The following KCNJ6 variants were observed in gnomAD, a reference collection of about 807,000 sequenced individuals.
KCNJ6 encodes G protein-activated inward rectifier potassium channel 2.
A neutral mutation model predicts 34.2 loss-of-function variants in KCNJ6; 9 were observed. The ratio of observed to expected loss-of-function variants is 0.26; its 90% CI spans 0.16 to 0.46. The LOEUF (loss-of-function observed/expected upper bound fraction) is 0.46, where lower values mean the gene tolerates loss of function less well. KCNJ6 is among the 20% of genes least tolerant of loss of function. The probability of loss-of-function intolerance (pLI) is 1.00; values close to 1 mark genes in which losing one functional copy is unlikely to be tolerated. For missense variants in KCNJ6, 236 were observed against 531.3 expected (o/e 0.44, Z 5.46); for synonymous variants, 196 against 207.1 (o/e 0.95, Z 0.46).
intron 2 of KCNJ6, among the ~76,000 whole-genome samples, chr21:37,782,435 C>T (rs2055173907): frequency 6.6e-6 from 1 of 152,060 alleles, no homozygotes; most frequent in Admixed American, 6.5e-5. Context: ...AAATGCTTAC[C>T]ACCTGCAAAC....
At chr21:37,682,775 A>G (rs1218182546) in intron 3 of KCNJ6, among the ~76,000 whole-genome samples, 1 of 152,200 alleles carries the variant, frequency 6.6e-6, no homozygotes, top group Non-Finnish European at 1.5e-5. Context: ...AGCAGTGAGC[A>G]GAGTGGTCCT....
At chr21:37,851,776 C>A (rs1434208742) in intron 1 of KCNJ6, among the ~76,000 whole-genome samples, 2 of 150,852 alleles carry the variant, frequency 1.3e-5, no homozygotes, top group African/African-American at 4.9e-5. Flanking sequence ...CTAAGCACAA[C>A]AAAAAAATCC....
intron 2 of KCNJ6, among the ~76,000 whole-genome samples, chr21:37,794,008 A>C: frequency 6.6e-6 from 1 of 152,264 alleles, no homozygotes. Flanking sequence ...ACCTCACAGT[A>C]AGAAATATAT....
intron 1 of KCNJ6, among the ~76,000 whole-genome samples, chr21:37,853,846 G>GTCTATATA (rs71198897): frequency 1.7e-5 from 2 of 115,992 alleles, no homozygotes; most frequent in Non-Finnish European, 3.3e-5. Context: ...ATATATATAT[G>GTCTATATA]TATATATATA....
intron 2 of KCNJ6, among the ~76,000 whole-genome samples, chr21:37,823,232 C>A (rs2055382826): frequency 6.6e-6 from 1 of 152,134 alleles, no homozygotes. Flanking sequence ...ACACCTGAGG[C>A]TCCAGAAAAA....
chr21:37,702,408 T>C (rs1019695185), intron 3 of KCNJ6, among the ~76,000 whole-genome samples: 2 of 152,040 alleles, frequency 1.3e-5, no homozygotes, highest in South Asian at 2.1e-4. Context: ...AGGATTTCCA[T>C]GGTAAGGGAC....
At chr21:37,900,209 A>G (rs2055809834) in intron 1 of KCNJ6, among the ~76,000 whole-genome samples, 1 of 152,262 alleles carries the variant, frequency 6.6e-6, no homozygotes, top group South Asian at 2.1e-4. Flanking sequence ...GCATTCTGAT[A>G]TAGTGTGTAG....
intron 2 of KCNJ6, among the ~76,000 whole-genome samples, chr21:37,749,149 T>C (rs965901198): frequency 6.6e-6 from 1 of 152,118 alleles, no homozygotes; most frequent in Admixed American, 6.6e-5. Flanking sequence ...AGCTGGGGCA[T>C]GGGGTCATTT....
intron 2 of KCNJ6, among the ~76,000 whole-genome samples, chr21:37,798,740 T>G (rs1467931783): frequency 6.6e-6 from 1 of 152,052 alleles, no homozygotes; most frequent in African/African-American, 2.4e-5. Flanking sequence ...TGTGGTTGTT[T>G]GGGGCCGGGG....
At chr21:37,795,612 G>T (rs2055237431) in intron 2 of KCNJ6, among the ~76,000 whole-genome samples, 1 of 151,964 alleles carries the variant, frequency 6.6e-6, no homozygotes. Context: ...GGGCATGGTG[G>T]TGGGTGCCTG....
At chr21:37,721,761 C>T (rs2054827478) in intron 2 of KCNJ6, among the ~76,000 whole-genome samples, 1 of 152,178 alleles carries the variant, frequency 6.6e-6, no homozygotes, top group African/African-American at 2.4e-5. Flanking sequence ...AGTTAAAACA[C>T]TGTGGAAACA....
chr21:37,656,482 GC>G (rs1016935745), intron 3 of KCNJ6, among the ~76,000 whole-genome samples: 1 of 152,122 alleles, frequency 6.6e-6, no homozygotes, highest in African/African-American at 2.4e-5. Context: ...TAGCATGGTG[GC>G]CCCCCACCCA....
At chr21:37,858,512 T>C (rs1457564389) in intron 1 of KCNJ6, among the ~76,000 whole-genome samples, 1 of 150,634 alleles carries the variant, frequency 6.6e-6, no homozygotes, top group Non-Finnish European at 1.5e-5. Flanking sequence ...TATATCCTAA[T>C]ATAGTTACTG....
intron 2 of KCNJ6, among the ~76,000 whole-genome samples, chr21:37,726,165 C>T (rs2123462897): frequency 6.6e-6 from 1 of 152,278 alleles, no homozygotes; most frequent in East Asian, 1.9e-4. Context: ...CTCGTCCTTC[C>T]AAAGTGCTGG....
At chr21:37,643,775 G>A (rs1371231197) in intron 3 of KCNJ6, among the ~76,000 whole-genome samples, 1 of 152,204 alleles carries the variant, frequency 6.6e-6, no homozygotes, top group African/African-American at 2.4e-5. Flanking sequence ...GAAGGTGAAA[G>A]TGAATAGAAA....
At chr21:37,698,973 TC>T (rs2054676747) in intron 3 of KCNJ6, among the ~76,000 whole-genome samples, 1 of 152,098 alleles carries the variant, frequency 6.6e-6, no homozygotes, top group Non-Finnish European at 1.5e-5. Context: ...TACTGGGATT[TC>T]AGGTGTAAGC....
intron 3 of KCNJ6, among the ~76,000 whole-genome samples, chr21:37,627,635 T>C (rs757263548): frequency 6.6e-6 from 1 of 152,124 alleles, no homozygotes; most frequent in Non-Finnish European, 1.5e-5. Context: ...AAAAAGAAAT[T>C]CTGGGGAAAG....
intron 1 of KCNJ6, among the ~76,000 whole-genome samples, chr21:37,906,276 G>A (rs1468823627): frequency 6.6e-6 from 1 of 152,156 alleles, no homozygotes; most frequent in Non-Finnish European, 1.5e-5. Flanking sequence ...CCTAGACACT[G>A]AGTCCAGGTT....
intron 1 of KCNJ6, among the ~76,000 whole-genome samples, chr21:37,878,374 T>C (rs1043633269): frequency 6.6e-6 from 1 of 152,256 alleles, no homozygotes; most frequent in African/African-American, 2.4e-5. Flanking sequence ...ATTGAAATTC[T>C]AAGCAAATAG....
Sources: gnomAD v4.1 joint callset for allele counts (sites outside exome capture counted in the v4.1 genomes callset) on GRCh38, gnomAD v4.1.1 for gene constraint, MANE v1.5 for transcripts, NCBI Gene and HGNC (gene_info 2026-07-23, HGNC 2026-07-21) for gene names.